The following SELENON variants were observed in gnomAD, a reference collection of about 807,000 sequenced individuals.
The protein encoded by SELENON is selenoprotein N, 1.
Under a neutral mutation model 59.5 loss-of-function variants are expected in SELENON, and 44 were observed. The ratio of observed to expected loss-of-function variants is 0.74; its 90% confidence interval spans 0.58 to 0.95. The LOEUF (loss-of-function observed/expected upper bound fraction) is 0.95, where lower values mean the gene tolerates loss of function less well. Ranked by LOEUF, SELENON falls within the 40% of genes least tolerant of loss-of-function variation. The pLI is 0.00. For missense variants in SELENON, 674 were observed against 721.4 expected (o/e 0.93, Z 0.75); for synonymous variants, 320 against 305.6 (o/e 1.05, Z -0.49).
rs200146431 is a variant in SELENON at position 25,812,717 on chromosome 1, G to A, written c.1312G>A (p.Asp438Asn). The change falls in exon 10 of 13, where the codon GAC (aspartate) becomes AAC (asparagine). Residue 438 changes from aspartate (D) to asparagine (N), a missense_variant. Coordinates refer to ENST00000361547, the MANE Select transcript of SELENON (RefSeq NM_020451.3). ...CTACTTGCCGTTCACTGAGGCCTTC[G>A]ACCGAGCCAAGGCTGAGAACAAGCT... The A allele has an allele frequency of 1.7e-5, 28 of 1,612,622 alleles. No individual in the cohort carries two copies. Among genetic ancestry groups the A allele is most frequent in the East Asian group, 6.7e-5 (3 of 44,856 alleles).
At chr1:25,805,819 G>A (rs1019686302) in intron 4 of SELENON, among the ~76,000 whole-genome samples, 2 of 152,138 alleles carry the variant, frequency 1.3e-5, no homozygotes, top group African/African-American at 4.8e-5. Flanking sequence ...GAGGTAGGAG[G>A]TGGACAGATG....
intron 1 of SELENON, 70 bp downstream of exon 1, chr1:25,800,483 G>A (rs977754381): frequency 7.8e-6 from 7 of 892,046 alleles, no homozygotes; most frequent in Non-Finnish European, 9.8e-6. Flanking sequence ...CGGCAGCAGG[G>A]GGGACATGGG....
At position 25,818,159 on chromosome 1, in the gene SELENON, ACTC is replaced by A. The variant is rs1226337556; in HGVS notation, c.*2445_*2447del. On this transcript the variant is annotated 3_prime_UTR_variant, in exon 13 of 13. Coordinates refer to ENST00000361547, the MANE Select transcript of SELENON (RefSeq NM_020451.3). Reference sequence around the variant, plus strand: ...GGAGAGGGCCCCGGGCTGCCCTGTCACTCCTCTAACACTTCCCTCCCCTGTCCC... The same window carrying A: ...GGAGAGGGCCCCGGGCTGCCCTGTCACTCTAACACTTCCCTCCCCTGTCCC... 6.6e-6 allele frequency: 1 copy of A among 152,264 alleles called. No homozygotes were observed. Among genetic ancestry groups the A allele is most frequent in the African/African-American group, 2.4e-5 (1 of 41,396 alleles). 9.4% of individuals were successfully genotyped at this position (152,264 alleles called of 1,614,324 possible). A position where few individuals can be genotyped will look rare whatever the true frequency, so the allele number is the denominator to read the frequency against.
intron 7 of SELENON, 131 bp from the exon 7 acceptor site, chr1:25,811,323 C>A: frequency 1.2e-6 from 1 of 849,602 alleles, no homozygotes; most frequent in Non-Finnish European, 2.0e-6. Flanking sequence ...GCTCTGAGAG[C>A]AGGTGTTCAC....
rs537258244 is a variant in SELENON, at chr1:25,806,508, T to TG, written c.537+1236dup. 8.0e-4 allele frequency among the ~76,000 whole-genome samples: 121 copies of TG among 151,706 alleles called. 1 individual carries two copies. The highest frequency in any genetic ancestry group is 2.9e-3 in the African/African-American group (118 of 41,368). ...GCAGGGAGCGGCTCCTCATGGACAG[T>TG]GGGTGGGCAGGAGTTGGATGACTCA... On this transcript the variant is annotated intron_variant, in intron 4 of 12. Coordinates refer to ENST00000361547, the MANE Select transcript of SELENON (RefSeq NM_020451.3).
At chr1:25,802,192 G>A (rs1188595452) in intron 3 of SELENON, 6 of 189,590 alleles carry the variant, frequency 3.2e-5, no homozygotes, top group Admixed American at 1.2e-4. Flanking sequence ...GTCTCACTAC[G>A]TTGCCTAGGC....
Position 25,807,377 on chromosome 1 carries a change from C to G in SELENON, c.538-1203C>G, listed in dbSNP as rs2047916564. 6.6e-6 allele frequency among the ~76,000 whole-genome samples: 1 copy of G among 152,188 alleles called. No individual in the cohort carries two copies. Among genetic ancestry groups the G allele is most frequent in the Non-Finnish European group, 1.5e-5 (1 of 68,034 alleles). On this transcript the variant is annotated intron_variant, in intron 4 of 12. Coordinates refer to ENST00000361547, the MANE Select transcript of SELENON (RefSeq NM_020451.3). The surrounding 1 kb of genome is among the most constrained non-coding windows in gnomAD (Gnocchi z 4.5). ...AACGTGTTCTTCTCAGCCAAGGAGACAGTGCAGCAGATAGGCAGGAGTCCA... is the reference window on the plus strand; with the variant it reads ...AACGTGTTCTTCTCAGCCAAGGAGAGAGTGCAGCAGATAGGCAGGAGTCCA...
At position 25,809,138 on chromosome 1, in the gene SELENON, CTG is replaced by C. The variant is rs1184282261; in HGVS notation, c.863_864del (p.Val288AspfsTer?). On this transcript the variant is annotated frameshift_variant, in exon 6 of 13. Coordinates refer to ENST00000361547, the MANE Select transcript of SELENON (RefSeq NM_020451.3). LOFTEE classifies it high-confidence loss of function. ...ACTGCCATCAGCGACTTCTACTACA[CTG>C]TGATGTTCCGGTGAGTGGGCCACAC... 3.1e-6 allele frequency: 5 copies of C among 1,613,656 alleles called. No individual in the cohort carries two copies. Among genetic ancestry groups the C allele is most frequent in the Non-Finnish European group, 4.2e-6 (5 of 1,180,026 alleles).
At chr1:25,811,375 T>G in intron 7 of SELENON, 79 bp from the exon 7 acceptor site, 1 of 1,224,150 alleles carries the variant, frequency 8.2e-7, no homozygotes, top group Non-Finnish European at 1.2e-6. Context: ...GTGGAGACAG[T>G]TGCAGGTATT....
At chr1:25,812,900 CA>C in intron 10 of SELENON, 108 bp downstream of exon 9, 1 of 864,752 alleles carries the variant, frequency 1.2e-6, no homozygotes, top group Non-Finnish European at 1.8e-6. Context: ...GTGAGGGCCT[CA>C]GGGACTGCCC....
At position 25,817,485 on chromosome 1, in the gene SELENON, G is replaced by A. The variant is rs2048021465; in HGVS notation, c.*1767G>A. ...CTGCCTCAGCCTCCCAAAGTGCTGG[G>A]ATTACAGGCGTGAGCAATCGTGCCC... On this transcript the variant is annotated 3_prime_UTR_variant, in exon 13 of 13. Coordinates refer to ENST00000361547, the MANE Select transcript of SELENON (RefSeq NM_020451.3). The A allele has an allele frequency of 6.6e-6, 1 of 152,360 alleles. No individual in the cohort carries two copies. Among genetic ancestry groups the A allele is most frequent in the Non-Finnish European group, 1.5e-5 (1 of 68,138 alleles). The allele number at this position is 152,360 out of a possible 1,614,324, so 9.4% of individuals were successfully genotyped here.
chr1:25,808,714 C>A lies in SELENON; in HGVS notation c.672C>A (p.Ile224=), dbSNP rs754212323. ...AGCTGGGTGAGCCCTGGTGGATCAT[C>A]CCCAGTGAGCTGAGCATGTTCACTG... is the stretch of plus-strand genomic sequence containing the variant. Residue 224 remains isoleucine, a synonymous_variant, in exon 5 of 13, where the codon ATC becomes ATA. Coordinates refer to ENST00000361547, the MANE Select transcript of SELENON (RefSeq NM_020451.3). 2 of 1,614,156 alleles carry A rather than the reference C, an allele frequency of 1.2e-6. No individual in the cohort carries two copies. Among genetic ancestry groups the A allele is most frequent in the Admixed American group, 3.3e-5 (2 of 60,034 alleles).
intron 7 of SELENON, among the ~76,000 whole-genome samples, 186 bp from the exon 7 acceptor site, chr1:25,811,268 C>G (rs767051015): frequency 6.6e-6 from 1 of 152,186 alleles, no homozygotes; most frequent in Non-Finnish European, 1.5e-5. Flanking sequence ...GAAGGGGCAG[C>G]CTGGTGGGGA....
In SELENON at chr1:25,812,480, C is replaced by T. The variant is rs116343724; in HGVS notation, c.1282-207C>T. Among the ~76,000 whole-genome samples, 28 of 151,452 alleles carry T rather than the reference C, an allele frequency of 1.8e-4. 1 individual carries two copies. The Middle Eastern group carries it at 0.01, about 56-fold the overall frequency. On this transcript the variant is annotated intron_variant, in intron 9 of 12. Transcript: ENST00000361547. ...ATATATATACACACACACATACACA[C>T]ATATACAAACATACACAAACATATA... is the stretch of plus-strand genomic sequence containing the variant.
chr1:25,806,830 T>C (rs1030890829), intron 4 of SELENON, among the ~76,000 whole-genome samples: 1 of 149,290 alleles, frequency 6.7e-6, no homozygotes, highest in Non-Finnish European at 1.5e-5. Context: ...TTTTTTTTTT[T>C]TTTTTTTTTG....
At position 25,812,704 on chromosome 1, in the gene SELENON, C is replaced by T. The variant is rs1040717024; in HGVS notation, c.1299C>T (p.Phe433=). 3.1e-6 allele frequency: 5 copies of T among 1,612,058 alleles called. No homozygotes were observed. In the Admixed American group the frequency reaches 8.3e-5, roughly 27 times the overall value. The change falls in exon 10 of 13, where the codon TTC becomes TTT. Residue 433 remains phenylalanine (F), a synonymous_variant. Coordinates refer to ENST00000361547, the MANE Select transcript of SELENON (RefSeq NM_020451.3). ...GGCCCCAGGTCTCCTACTTGCCGTTCACTGAGGCCTTCGACCGAGCCAAGG... is the reference window on the plus strand; with the variant it reads ...GGCCCCAGGTCTCCTACTTGCCGTTTACTGAGGCCTTCGACCGAGCCAAGG...
At chr1:25,810,534 T>A (rs11247740) in intron 7 of SELENON, among the ~76,000 whole-genome samples, 3,237 of 152,342 alleles carry the variant, frequency 0.021, 120 homozygotes, top group African/African-American at 0.074. Flanking sequence ...GTTAAGTCTC[T>A]GCTGTGGAAC....
intron 9 of SELENON, among the ~76,000 whole-genome samples, chr1:25,812,220 C>A (rs2047967312): frequency 6.6e-6 from 1 of 151,934 alleles, no homozygotes; most frequent in African/African-American, 2.4e-5. Flanking sequence ...GTAGCACGCA[C>A]CTGTAGTACC....
chr1:25,813,081 AAG>A (rs2047980833), intron 10 of SELENON, among the ~76,000 whole-genome samples: 2 of 152,130 alleles, frequency 1.3e-5, no homozygotes, highest in African/African-American at 4.8e-5. Context: ...TCTCAATAGT[AAG>A]AGGGGATAAC....
Sources: gnomAD v4.1 joint callset for allele counts (sites outside exome capture counted in the v4.1 genomes callset) on GRCh38, gnomAD v4.1.1 for gene constraint, Gnocchi (gnomAD v3.1) non-coding constraint, MANE v1.5 for transcripts, NCBI Gene and HGNC (gene_info 2026-07-23, HGNC 2026-07-21) for gene names.